The following RAP1GAP variants were observed in gnomAD, a reference collection of about 807,000 sequenced individuals.
The protein encoded by RAP1GAP is rap1 GTPase-activating protein 1.
Under a neutral mutation model 87.2 loss-of-function variants are expected in RAP1GAP, and 35 were observed. The observed-to-expected ratio is 0.40, with a 90% CI of 0.31 to 0.53. RAP1GAP has a LOEUF of 0.53. RAP1GAP is among the 20% of genes least tolerant of loss of function. RAP1GAP has a pLI of 0.48. For synonymous variants in RAP1GAP, 375 were observed against 363.9 expected, an observed-to-expected ratio of 1.03 and a Z score of -0.35; for missense variants, 734 against 898.9, an observed-to-expected ratio of 0.82 and a Z score of 2.35.
intron 2 of RAP1GAP, among the ~76,000 whole-genome samples, chr1:21,638,008 G>A (rs903646074): frequency 3.4e-5 from 5 of 147,416 alleles, no homozygotes; most frequent in African/African-American, 1.0e-4. Flanking sequence ...AAAATTAGCC[G>A]GGTATGGTGG....
At chr1:21,606,340 C>T in intron 17 of RAP1GAP, 143 bp from the exon 18 acceptor site, 1 of 1,216,738 alleles carries the variant, frequency 8.2e-7, no homozygotes, top group Non-Finnish European at 1.1e-6. Context: ...GGGCATGTGG[C>T]CAGCAGGGCA....
chr1:21,634,668 C>T lies in RAP1GAP; in HGVS notation c.-112-8271G>A. 3.2e-6 allele frequency: 1 copy of T among 309,904 alleles called. No individual in the cohort carries two copies. Among genetic ancestry groups the T allele is most frequent in the Non-Finnish European group, 7.1e-6 (1 of 140,552 alleles). The allele number at this position is 309,904 out of a possible 1,614,324, so 19.2% of individuals were successfully genotyped here. A position where few individuals can be genotyped will look rare whatever the true frequency, so the allele number is the denominator to read the frequency against. ...CCGGAGCTGGGCCAGGCAGAGGCCTCCTGAACAAATAACAGGTTGGCAGCC... is the reference window on the plus strand; with the variant it reads ...CCGGAGCTGGGCCAGGCAGAGGCCTTCTGAACAAATAACAGGTTGGCAGCC... On this transcript the variant is annotated intron_variant, in intron 2 of 24. Transcript: ENST00000374765. This position sits in a 1 kb window ranked among gnomAD's most constrained non-coding sequence, Gnocchi z 4.1.
chr1:21,603,176 G>A lies in RAP1GAP; in HGVS notation c.1429-263C>T. ...CAGGATTAGGACAGCATCCTGAGGG[G>A]GCTAGGGTGGGAGGAGGCCGAGTCC... On this transcript the variant is annotated intron_variant, in intron 18 of 24. Coordinates refer to ENST00000374765, the MANE Select transcript of RAP1GAP (RefSeq NM_002885.4). This position sits in a 1 kb window ranked among gnomAD's most constrained non-coding sequence, Gnocchi z 6.0. The A allele has an allele frequency of 2.1e-6, 1 of 475,400 alleles. No individual in the cohort carries two copies. Among genetic ancestry groups the A allele is most frequent in the Non-Finnish European group, 3.8e-6 (1 of 265,850 alleles). 29.4% of individuals were successfully genotyped at this position (475,400 alleles called of 1,614,324 possible).
intron 21 of RAP1GAP, among the ~76,000 whole-genome samples, chr1:21,599,126 G>C (rs990878814): frequency 6.6e-6 from 1 of 152,200 alleles, no homozygotes; most frequent in African/African-American, 2.4e-5. Context: ...AGGAGGAGGC[G>C]GCAGGAAGAG....
chr1:21,651,821 A>G (rs1416364064), intron 1 of RAP1GAP: 6 of 1,255,546 alleles, frequency 4.8e-6, no homozygotes, highest in Non-Finnish European at 3.0e-6. Flanking sequence ...CCGGCCGCTC[A>G]TGGTGCCGCC....
In RAP1GAP at chr1:21,603,375, C is replaced by G. The variant is rs1018069467; in HGVS notation, c.1429-462G>C. On this transcript the variant is annotated intron_variant, in intron 18 of 24. Coordinates refer to ENST00000374765, the MANE Select transcript of RAP1GAP (RefSeq NM_002885.4). The surrounding 1 kb of genome is among the most constrained non-coding windows in gnomAD (Gnocchi z 6.0). ...TGGCCCAGCAGCTGGAAGACTCCCC[C>G]AGCTTCCCACACACTGTGCTGGGAT... 2 of 456,520 alleles carry G rather than the reference C, an allele frequency of 4.4e-6. No individual in the cohort carries two copies. Among genetic ancestry groups the G allele is most frequent in the Admixed American group, 3.9e-5 (1 of 25,754 alleles). 28.3% of individuals were successfully genotyped at this position (456,520 alleles called of 1,614,324 possible).
intron 2 of RAP1GAP, chr1:21,627,041 C>T: frequency 2.2e-6 from 1 of 455,388 alleles, no homozygotes; most frequent in South Asian, 1.6e-5. Flanking sequence ...ACTCTCTGCC[C>T]ACACCACACC....
At position 21,624,611 on chromosome 1, in the gene RAP1GAP, C is replaced by T. The variant is rs548196303; in HGVS notation, c.-19+1693G>A. 4.6e-5 allele frequency among the ~76,000 whole-genome samples: 7 copies of T among 152,046 alleles called. No homozygotes were observed. In the East Asian group the frequency reaches 1.4e-3, roughly 30 times the overall value. On this transcript the variant is annotated intron_variant, in intron 3 of 24. Transcript: ENST00000374765. ...ATGAATCATTCAGTCTCTCTAGCCC[C>T]TGGTTTCCTCTCCTGTCAAAGGAGG...
intron 10 of RAP1GAP, among the ~76,000 whole-genome samples, chr1:21,612,524 T>G (rs2079037596): frequency 6.6e-6 from 1 of 152,188 alleles, no homozygotes; most frequent in Non-Finnish European, 1.5e-5. Context: ...GCTGTGGGCA[T>G]TGAGCAAGTT....
chr1:21,618,192 C>T (rs2083598507), intron 5 of RAP1GAP, among the ~76,000 whole-genome samples: 1 of 152,182 alleles, frequency 6.6e-6, no homozygotes, highest in South Asian at 2.1e-4. Context: ...CACTGCCTCC[C>T]CAGAAGAAAC....
intron 10 of RAP1GAP, among the ~76,000 whole-genome samples, chr1:21,612,379 G>A (rs1374102359): frequency 1.3e-5 from 2 of 152,162 alleles, no homozygotes; most frequent in African/African-American, 2.4e-5. Flanking sequence ...TAAGTTCATC[G>A]CTCCTGAGTT....
chr1:21,618,132 C>G (rs2083561817), intron 5 of RAP1GAP, among the ~76,000 whole-genome samples, 160 bp from the exon 6 acceptor site: 1 of 152,288 alleles, frequency 6.6e-6, no homozygotes, highest in Admixed American at 6.5e-5. Flanking sequence ...GCTTAGCGTG[C>G]TGAGTGCTGG....
At chr1:21,635,050 C>T (rs1204606908) in intron 2 of RAP1GAP, among the ~76,000 whole-genome samples, 1 of 152,222 alleles carries the variant, frequency 6.6e-6, no homozygotes, top group African/African-American at 2.4e-5. Context: ...TGCTAATCTC[C>T]ATTCTGCCTG....
intron 4 of RAP1GAP, among the ~76,000 whole-genome samples, chr1:21,619,517 G>A (rs914658661): frequency 2.0e-5 from 3 of 152,168 alleles, no homozygotes; most frequent in African/African-American, 7.2e-5. Context: ...GGGTATTCAA[G>A]GCACTCCCAT....
rs762190797 is a variant in RAP1GAP at position 21,613,110 on chromosome 1, T to A, written c.528+66A>T. On this transcript the variant is annotated intron_variant, in intron 10 of 24. Coordinates refer to ENST00000374765, the MANE Select transcript of RAP1GAP (RefSeq NM_002885.4). This position sits in a 1 kb window ranked among gnomAD's most constrained non-coding sequence, Gnocchi z 4.7. Reference sequence around the variant, plus strand: ...AAGTATCTGGCACACAGAAGGTGCTTAATAAATGCTCAGTCTTCCAGTTAC... The same window carrying A: ...AAGTATCTGGCACACAGAAGGTGCTAAATAAATGCTCAGTCTTCCAGTTAC... 6.8e-7 allele frequency: 1 copy of A among 1,462,582 alleles called. No homozygotes were observed. Among genetic ancestry groups the A allele is most frequent in the Admixed American group, 1.7e-5 (1 of 59,612 alleles). 90.6% of individuals were successfully genotyped at this position (1,462,582 alleles called of 1,614,324 possible).
intron 5 of RAP1GAP, 64 bp downstream of exon 5, chr1:21,618,961 T>C (rs1394455357): frequency 1.5e-5 from 22 of 1,477,628 alleles, no homozygotes; most frequent in Non-Finnish European, 2.0e-5. Context: ...TGGGCAGTGG[T>C]GGCAGCACTT....
chr1:21,597,841 T>A, intron 23 of RAP1GAP, 113 bp from the exon 24 acceptor site: 1 of 1,522,498 alleles, frequency 6.6e-7, no homozygotes, highest in Non-Finnish European at 9.0e-7. Flanking sequence ...GCCCCACCCC[T>A]CCTGGCCTAG....
At chr1:21,651,387 C>T in intron 1 of RAP1GAP, 1 of 528,108 alleles carries the variant, frequency 1.9e-6, no homozygotes, top group Non-Finnish European at 3.8e-6. Flanking sequence ...CCTACTCCCA[C>T]ATACCTATAC....
At chr1:21,642,400 C>A (rs1303938946) in intron 2 of RAP1GAP, among the ~76,000 whole-genome samples, 1 of 152,202 alleles carries the variant, frequency 6.6e-6, no homozygotes, top group Non-Finnish European at 1.5e-5. Flanking sequence ...AATCCCCCCA[C>A]CAATCTTCCA....
Sources: allele counts gnomAD v4.1 joint callset (sites outside exome capture counted in the v4.1 genomes callset), GRCh38; gene constraint gnomAD v4.1.1; non-coding constraint Gnocchi (gnomAD v3.1); transcripts MANE v1.5; gene names NCBI Gene and HGNC (gene_info 2026-07-23, HGNC 2026-07-21).